Variants in DNM3 observed in about 807,000 individuals in gnomAD.
DNM3 encodes the protein dynamin-3.
Under a neutral mutation model 101.6 loss-of-function variants are expected in DNM3, and 47 were observed. The observed-to-expected ratio is 0.46, with a 90% CI of 0.37 to 0.59. The LOEUF (loss-of-function observed/expected upper bound fraction) is 0.59, where lower values mean the gene tolerates loss of function less well. Among genes scored for constraint, DNM3 ranks in the 20% least tolerant of loss-of-function variants. The pLI is 0.00. For missense variants in DNM3, 849 were observed against 1,085.7 expected, an observed-to-expected ratio of 0.78 and a Z score of 3.06; for synonymous variants, 385 against 387.9, an observed-to-expected ratio of 0.99 and a Z score of 0.09.
At chr1:171,993,786 T>C in intron 4 of DNM3, among the ~76,000 whole-genome samples, 1 of 152,090 alleles carries the variant, frequency 6.6e-6, no homozygotes, top group East Asian at 1.9e-4. Context: ...TTCTTTCTTT[T>C]GTCTTTCTTT....
intron 15 of DNM3, among the ~76,000 whole-genome samples, chr1:172,263,598 G>A (rs1313367115): frequency 1.3e-5 from 2 of 152,162 alleles, no homozygotes; most frequent in Non-Finnish European, 2.9e-5. Flanking sequence ...CTTACATGGT[G>A]GCAGGCAAGA....
intron 13 of DNM3, among the ~76,000 whole-genome samples, chr1:172,113,410 G>T (rs2055635308): frequency 6.6e-6 from 1 of 151,830 alleles, no homozygotes; most frequent in Non-Finnish European, 1.5e-5. Flanking sequence ...CAGGAAGTCG[G>T]AGTTCGAGAT....
At chr1:171,965,723 A>C in intron 2 of DNM3, among the ~76,000 whole-genome samples, 1 of 152,184 alleles carries the variant, frequency 6.6e-6, no homozygotes, top group East Asian at 1.9e-4. Flanking sequence ...AACAATCTTG[A>C]AGCTGTCTGA....
intron 15 of DNM3, among the ~76,000 whole-genome samples, chr1:172,285,200 C>A (rs954713125): frequency 3.3e-5 from 5 of 152,132 alleles, no homozygotes; most frequent in Admixed American, 3.3e-4. Flanking sequence ...GATATTTTTT[C>A]TTTGAAGAGT....
rs187178641 is a variant in DNM3 at position 171,983,244 on chromosome 1, C to T, written c.236-4412C>T. 3.1e-3 allele frequency among the ~76,000 whole-genome samples: 468 copies of T among 151,948 alleles called. 1 individual carries two copies. Among genetic ancestry groups the T allele is most frequent in the African/African-American group, 0.011 (442 of 41,348 alleles). ...CCAAGGTGGGAACATCACTTGAGGC[C>T]AAGAGGTCGAGACCAGCCCAGGCAA... On this transcript the variant is annotated intron_variant, in intron 2 of 20. Coordinates refer to ENST00000627582, the MANE Select transcript of DNM3 (RefSeq NM_015569.5).
chr1:172,227,439 T>C (rs1201860261), intron 14 of DNM3, among the ~76,000 whole-genome samples: 1 of 151,896 alleles, frequency 6.6e-6, no homozygotes, highest in Non-Finnish European at 1.5e-5. Flanking sequence ...TTTGGGTAGA[T>C]GTAGACACCC....
intron 10 of DNM3, among the ~76,000 whole-genome samples, chr1:172,062,181 T>A (rs1472666847): frequency 6.6e-6 from 1 of 152,194 alleles, no homozygotes; most frequent in African/African-American, 2.4e-5. Context: ...TTGTGAAGTT[T>A]TTTTCCATTT....
At chr1:172,365,069 A>G (rs1202476513) in intron 17 of DNM3, among the ~76,000 whole-genome samples, 3 of 151,958 alleles carry the variant, frequency 2.0e-5, no homozygotes, top group Non-Finnish European at 4.4e-5. Context: ...ATATGGACTT[A>G]TTTCGATTCA....
chr1:172,046,171 A>G (rs1367312684), intron 9 of DNM3, among the ~76,000 whole-genome samples: 1 of 152,116 alleles, frequency 6.6e-6, no homozygotes, highest in African/African-American at 2.4e-5. Context: ...TCCAACAATG[A>G]TAGACTGGAT....
chr1:172,182,021 G>T (rs923839214), intron 14 of DNM3, among the ~76,000 whole-genome samples: 1 of 152,000 alleles, frequency 6.6e-6, no homozygotes, highest in Non-Finnish European at 1.5e-5. Flanking sequence ...AAGATAATAT[G>T]TAAGGGGTTT....
At chr1:172,073,293 ATATAAG>A (rs36093738) in intron 11 of DNM3, among the ~76,000 whole-genome samples, 45,412 of 151,504 alleles carry the variant, frequency 0.3, 8,084 homozygotes, top group Non-Finnish European at 0.39. Context: ...ATATATACAC[ATATAAG>A]TATATGTGTA....
At chr1:172,151,047 G>A (rs2058105916) in intron 14 of DNM3, among the ~76,000 whole-genome samples, 1 of 152,104 alleles carries the variant, frequency 6.6e-6, no homozygotes, top group African/African-American at 2.4e-5. Context: ...ATGTATGTGA[G>A]CATATATATG....
chr1:171,978,774 G>C (rs770214974), intron 2 of DNM3, among the ~76,000 whole-genome samples: 1 of 152,152 alleles, frequency 6.6e-6, no homozygotes, highest in Non-Finnish European at 1.5e-5. Context: ...AGGCTTAGAA[G>C]TAGCATGGCC....
chr1:172,203,895 T>C (rs568412556), intron 14 of DNM3, among the ~76,000 whole-genome samples: 19 of 152,320 alleles, frequency 1.2e-4, no homozygotes, highest in African/African-American at 4.6e-4. Flanking sequence ...CTTAACCAGC[T>C]TGATTCTTCA....
chr1:172,160,895 A>C (rs989415856), intron 14 of DNM3, among the ~76,000 whole-genome samples: 14 of 152,076 alleles, frequency 9.2e-5, no homozygotes, highest in Admixed American at 7.2e-4. Flanking sequence ...ATGGCTATGA[A>C]CCCATAGGAA....
At chr1:172,004,384 T>C (rs1293901328) in intron 4 of DNM3, among the ~76,000 whole-genome samples, 2 of 151,986 alleles carry the variant, frequency 1.3e-5, no homozygotes, top group Non-Finnish European at 2.9e-5. Flanking sequence ...GAAAAATTAT[T>C]GAATAGAAGC....
intron 14 of DNM3, among the ~76,000 whole-genome samples, chr1:172,253,284 T>G (rs2062254007): frequency 6.6e-6 from 1 of 152,124 alleles, no homozygotes; most frequent in Non-Finnish European, 1.5e-5. Context: ...GAGCCCTTCC[T>G]GTACACCATT....
chr1:172,050,434 G>T (rs865808741), intron 10 of DNM3, among the ~76,000 whole-genome samples: 40 of 150,392 alleles, frequency 2.7e-4, no homozygotes, highest in African/African-American at 9.4e-4. Context: ...AACCCATTTA[G>T]CCAGTTGCAC....
chr1:172,335,351 C>T (rs2066372783), intron 17 of DNM3, among the ~76,000 whole-genome samples: 1 of 151,930 alleles, frequency 6.6e-6, no homozygotes, highest in Non-Finnish European at 1.5e-5. Flanking sequence ...TGATAGAAGC[C>T]AAGTCTTATG....
Sources: allele counts gnomAD v4.1 joint callset (sites outside exome capture counted in the v4.1 genomes callset), GRCh38; gene constraint gnomAD v4.1.1; transcripts MANE v1.5; gene names NCBI Gene and HGNC (gene_info 2026-07-23, HGNC 2026-07-21).